SDK1: variants seen among roughly 807,000 people sequenced by gnomAD.
The protein encoded by SDK1 is protein sidekick-1.
A neutral mutation model predicts 245.5 loss-of-function variants in SDK1; 157 were observed. The observed-to-expected ratio is 0.64, with a 90% CI of 0.56 to 0.73. SDK1 has a LOEUF of 0.73. SDK1 is among the 30% of genes least tolerant of loss of function. The probability of loss-of-function intolerance (pLI) is 0.00; values close to 1 mark genes in which losing one functional copy is unlikely to be tolerated. For synonymous variants in SDK1, 1,647 were observed against 1,278.5 expected (o/e 1.29, Z -6.15); for missense variants, 3,583 against 3,002.3 (o/e 1.19, Z -4.52).
intron 1 of SDK1, among the ~76,000 whole-genome samples, chr7:3,464,618 T>A (rs553187309): frequency 6.6e-6 from 1 of 151,940 alleles, no homozygotes; most frequent in Admixed American, 6.6e-5. Context: ...TTTTTTCAAG[T>A]CAACATTTAA....
At chr7:3,906,933 G>T (rs762127818) in intron 5 of SDK1, among the ~76,000 whole-genome samples, 1 of 152,034 alleles carries the variant, frequency 6.6e-6, no homozygotes, top group Non-Finnish European at 1.5e-5. Flanking sequence ...CCCTGCCTCT[G>T]TGTCTTTTTT....
At chr7:4,169,929 A>G (rs1781734242) in intron 32 of SDK1, among the ~76,000 whole-genome samples, 1 of 152,198 alleles carries the variant, frequency 6.6e-6, no homozygotes, top group Non-Finnish European at 1.5e-5. Flanking sequence ...GACCATGGAA[A>G]GCAAACGGCC....
chr7:4,126,979 C>T (rs572011999), intron 25 of SDK1, among the ~76,000 whole-genome samples: 2 of 152,302 alleles, frequency 1.3e-5, no homozygotes, highest in South Asian at 2.1e-4. Flanking sequence ...TAAATCCTCA[C>T]GCCCCCTTCT....
intron 4 of SDK1, among the ~76,000 whole-genome samples, chr7:3,693,099 T>C (rs1784479008): frequency 1.3e-5 from 2 of 152,044 alleles, no homozygotes; most frequent in African/African-American, 4.8e-5. Flanking sequence ...CTTAATATCT[T>C]ATGTAATAGT....
chr7:3,924,127 A>G (rs1172097084), intron 5 of SDK1, among the ~76,000 whole-genome samples: 1 of 151,006 alleles, frequency 6.6e-6, no homozygotes, highest in African/African-American at 2.4e-5. Context: ...AGGGAGATTT[A>G]CAGAGTAAAG....
At chr7:3,634,548 G>A (rs1190388584) in intron 2 of SDK1, among the ~76,000 whole-genome samples, 1 of 152,320 alleles carries the variant, frequency 6.6e-6, no homozygotes, top group African/African-American at 2.4e-5. Context: ...ATTTGAAATA[G>A]GAACAGGCAT....
intron 1 of SDK1, among the ~76,000 whole-genome samples, chr7:3,360,320 CT>C (rs1479845878): frequency 6.6e-6 from 1 of 152,152 alleles, no homozygotes; most frequent in Non-Finnish European, 1.5e-5. Flanking sequence ...CTTAAGTTAT[CT>C]AGATTTTAGG....
chr7:3,881,506 A>G (rs1781208708), intron 5 of SDK1, among the ~76,000 whole-genome samples: 3 of 152,164 alleles, frequency 2.0e-5, no homozygotes, highest in African/African-American at 7.2e-5. Flanking sequence ...TCTATCATTG[A>G]TGGACATTTG....
chr7:4,017,434 A>G (rs1469573004), intron 17 of SDK1, 82 bp downstream of exon 17: 5 of 1,271,472 alleles, frequency 3.9e-6, no homozygotes, highest in Non-Finnish European at 5.4e-6. Flanking sequence ...AGTACGTTAG[A>G]AAGAAAAACA....
intron 1 of SDK1, among the ~76,000 whole-genome samples, chr7:3,416,663 C>G (rs1194089436): frequency 6.6e-6 from 1 of 152,080 alleles, no homozygotes; most frequent in Non-Finnish European, 1.5e-5. Context: ...GCTCTGTGAA[C>G]CTGGCCACCT....
intron 1 of SDK1, among the ~76,000 whole-genome samples, chr7:3,464,405 C>T (rs955498149): frequency 1.3e-5 from 2 of 152,080 alleles, no homozygotes; most frequent in Non-Finnish European, 2.9e-5. Flanking sequence ...CCTGTAGCCC[C>T]AGCTACACAG....
intron 1 of SDK1, among the ~76,000 whole-genome samples, chr7:3,618,115 A>G (rs1023116899): frequency 6.6e-6 from 1 of 152,208 alleles, no homozygotes; most frequent in Non-Finnish European, 1.5e-5. Flanking sequence ...CTAATTAGTG[A>G]TGCTACAGCT....
intron 25 of SDK1, among the ~76,000 whole-genome samples, chr7:4,121,805 T>C (rs1784082378): frequency 6.6e-6 from 1 of 152,240 alleles, no homozygotes; most frequent in African/African-American, 2.4e-5. Context: ...TATTACATTC[T>C]TTCTTATTTT....
At chr7:4,132,574 A>G (rs561492409) in intron 28 of SDK1, 151 bp downstream of exon 28, 99 of 587,428 alleles carry the variant, frequency 1.7e-4, no homozygotes, top group Admixed American at 3.7e-4. Context: ...AAAAATTCAG[A>G]CTATTAGCCG....
At chr7:3,574,450 C>T (rs1455292827) in intron 1 of SDK1, among the ~76,000 whole-genome samples, 1 of 152,002 alleles carries the variant, frequency 6.6e-6, no homozygotes, top group Non-Finnish European at 1.5e-5. Context: ...TGTGAAGTTG[C>T]TATTCCTACT....
intron 4 of SDK1, among the ~76,000 whole-genome samples, chr7:3,797,783 A>C (rs181588442): frequency 6.6e-6 from 1 of 152,198 alleles, no homozygotes; most frequent in East Asian, 1.9e-4. Flanking sequence ...TGTTTTCAGA[A>C]CTGTTTCTCT....
chr7:4,230,796 G>T (rs1195282549), intron 40 of SDK1, among the ~76,000 whole-genome samples: 1 of 152,160 alleles, frequency 6.6e-6, no homozygotes, highest in Non-Finnish European at 1.5e-5. Context: ...GGTGGAAGCA[G>T]TCATCCCTTC....
intron 5 of SDK1, among the ~76,000 whole-genome samples, chr7:3,843,169 C>A (rs1780200068): frequency 6.6e-6 from 1 of 152,134 alleles, no homozygotes; most frequent in South Asian, 2.1e-4. Context: ...CAGGCATGGA[C>A]ACCAATCTTA....
chr7:3,826,027 A>G (rs369276661), intron 5 of SDK1, among the ~76,000 whole-genome samples: 1 of 152,220 alleles, frequency 6.6e-6, no homozygotes, highest in African/African-American at 2.4e-5. Flanking sequence ...TAGGAAGTCT[A>G]TTTTATAGTC....
Sources: allele counts gnomAD v4.1 joint callset (sites outside exome capture counted in the v4.1 genomes callset), GRCh38; gene constraint gnomAD v4.1.1; transcripts MANE v1.5; gene names NCBI Gene and HGNC (gene_info 2026-07-23, HGNC 2026-07-21).